The following EXOC3 variants were observed in gnomAD, a reference collection of about 807,000 sequenced individuals.
EXOC3 encodes SEC6-like 1.
EXOC3 carries 21 observed loss-of-function variants against 73.7 expected under a neutral mutation model. The observed-to-expected ratio is 0.29, with a 90% confidence interval of 0.20 to 0.41. The LOEUF is 0.41. Among genes scored for constraint, EXOC3 ranks in the 10% least tolerant of loss-of-function variants. The probability of loss-of-function intolerance (pLI) is 1.00; values close to 1 mark genes in which losing one functional copy is unlikely to be tolerated. For synonymous variants in EXOC3, 410 were observed against 389.1 expected, an observed-to-expected ratio of 1.05 and a Z score of -0.63; for missense variants, 842 against 985.1, an observed-to-expected ratio of 0.85 and a Z score of 1.95.
chr5:457,137 C>A, intron 5 of EXOC3, 131 bp downstream of exon 5: 1 of 661,166 alleles, frequency 1.5e-6, no homozygotes, highest in Non-Finnish European at 2.7e-6. Flanking sequence ...CTCAGTTGCC[C>A]GGGCTCTGCT....
At chr5:447,015 C>CA (rs1267310058) in intron 2 of EXOC3, 1 of 154,872 alleles carries the variant, frequency 6.5e-6, no homozygotes, top group African/African-American at 2.4e-5. Context: ...TCACATTTGA[C>CA]AGAGAGCGGA....
intron 3 of EXOC3, among the ~76,000 whole-genome samples, chr5:448,779 G>C (rs1162784308): frequency 1.3e-5 from 2 of 152,228 alleles, no homozygotes; most frequent in African/African-American, 4.8e-5. Flanking sequence ...TGCGGCTGCA[G>C]CATTGCCGAG....
In EXOC3 at chr5:461,975, G is replaced by A. The variant is rs192396555; in HGVS notation, c.1407G>A (p.Ala469=). ...NSFLSRYKDE[A]QLYKEEHLRN... is the part of the protein sequence containing the mutation. ...CTGTCCTCAGATATAAAGATGAAGC[G>A]CAGCTGTATAAAGAAGAGCACCTGA... is the stretch of plus-strand genomic sequence containing the variant. Residue 469 remains alanine (A), a synonymous_variant, in exon 8 of 13, where the codon GCG becomes GCA. Coordinates refer to ENST00000512944, the MANE Select transcript of EXOC3 (RefSeq NM_007277.5). 6.0e-5 allele frequency: 95 copies of A among 1,593,498 alleles called. 1 individual carries two copies. The highest frequency in any genetic ancestry group is 3.8e-4 in the African/African-American group (28 of 74,534).
intron 3 of EXOC3, among the ~76,000 whole-genome samples, chr5:453,142 G>A (rs1290404970): frequency 6.6e-6 from 1 of 152,214 alleles, no homozygotes; most frequent in Non-Finnish European, 1.5e-5. Context: ...GGTAGCCACT[G>A]CCCAGCTGAG....
At position 458,413 on chromosome 5, in the gene EXOC3, A is replaced by T. The variant is rs550152780; in HGVS notation, c.1290+388A>T. Among the ~76,000 whole-genome samples, 6 of 152,180 alleles carry T rather than the reference A, an allele frequency of 3.9e-5. No homozygotes were observed. In the East Asian group the frequency reaches 9.7e-4, roughly 24 times the overall value. On this transcript the variant is annotated intron_variant, in intron 6 of 12. Coordinates refer to ENST00000512944, the MANE Select transcript of EXOC3 (RefSeq NM_007277.5). ...CAGGTGGATTTTGGGAGCGTCCATT[A>T]TTTTTTTTGAGACGGAGTCTCACTC...
intron 9 of EXOC3, among the ~76,000 whole-genome samples, chr5:463,811 A>AT (rs1310124605): frequency 6.6e-6 from 1 of 152,264 alleles, no homozygotes; most frequent in Non-Finnish European, 1.5e-5. Flanking sequence ...AAAAATTTAA[A>AT]TGTCCATCAA....
Position 453,542 on chromosome 5 carries a change from C to G in EXOC3, c.537C>G (p.Ser179Arg). Reference protein sequence around the residue: ...DMTLIHGYFGSTQGLSDELAK... With the variant: ...DMTLIHGYFGRTQGLSDELAK... ...CCCTCATCCATGGCTACTTTGGCAG[C>G]ACGCAGGGGCTCTCTGATGAGCTGG... Residue 179 changes from serine (S) to arginine (R), a missense_variant, in exon 4 of 13, where the codon AGC becomes AGG. Physicochemically the swap from Ser to Arg is moderately radical, Grantham distance 110. Transcript: ENST00000512944. 6.2e-7 allele frequency: 1 copy of G among 1,614,026 alleles called. No individual in the cohort carries two copies. The highest frequency in any genetic ancestry group is 1.1e-5 in the South Asian group (1 of 91,088).
rs773000058 is a variant in EXOC3 at position 466,748 on chromosome 5, G to C, written c.2088G>C (p.Leu696=). 6.2e-7 allele frequency: 1 copy of C among 1,613,014 alleles called. No homozygotes were observed. The highest frequency in any genetic ancestry group is 1.1e-5 in the South Asian group (1 of 91,064). The part of the protein sequence containing the change: ...PDIRDDHIGA[L]LAVRGDASRD... The stretch of plus-strand genomic sequence containing the variant: ...CCAGGGATGACCACATCGGTGCGCT[G>C]CTGGCTGTGCGTGGGGACGCCAGCC... Residue 696 remains leucine, a synonymous_variant, in exon 13 of 13, where the codon CTG becomes CTC. Transcript: ENST00000512944.
At chr5:462,506 C>G in intron 9 of EXOC3, 199 bp downstream of exon 9, 1 of 588,650 alleles carries the variant, frequency 1.7e-6, no homozygotes, top group Non-Finnish European at 3.0e-6. Context: ...GTCCTTCTTA[C>G]GCACAATTCA....
intron 3 of EXOC3, among the ~76,000 whole-genome samples, chr5:451,041 CT>C (rs1353701629): frequency 2.0e-5 from 3 of 152,084 alleles, no homozygotes; most frequent in Non-Finnish European, 2.9e-5. Context: ...GATGGAAGAG[CT>C]TACATTTAAG....
At chr5:456,144 C>G (rs1045344832) in intron 4 of EXOC3, among the ~76,000 whole-genome samples, 1 of 152,154 alleles carries the variant, frequency 6.6e-6, no homozygotes, top group Non-Finnish European at 1.5e-5. Flanking sequence ...CCAGGACCCC[C>G]CTTGGCTATC....
At chr5:464,592 A>G in intron 10 of EXOC3, 180 bp downstream of exon 10, 1 of 604,054 alleles carries the variant, frequency 1.7e-6, no homozygotes, top group Non-Finnish European at 2.9e-6. Flanking sequence ...CTCTGGTGAG[A>G]ATGGCCGGGG....
chr5:453,418 T>G lies in EXOC3; in HGVS notation c.413T>G (p.Leu138Arg). The G allele has an allele frequency of 6.2e-7, 1 of 1,602,686 alleles. No individual in the cohort carries two copies. Among genetic ancestry groups the G allele is most frequent in the Non-Finnish European group, 8.5e-7 (1 of 1,174,588 alleles). The change falls in exon 4 of 13, where the codon CTC (leucine) becomes CGC (arginine). Residue 138 changes from leucine (L) to arginine (R), a missense_variant. Physicochemically the swap from Leu to Arg is moderately radical, Grantham distance 102. Coordinates refer to ENST00000512944, the MANE Select transcript of EXOC3 (RefSeq NM_007277.5). ...ETQDLIEQGA[L>R]LQAHRKLMDL... is the part of the protein sequence containing the mutation. ...CAGGACCTAATTGAACAAGGGGCAC[T>G]CCTGCAAGCCCACCGGAAGCTGATG...
rs1044231782 is a variant in EXOC3 at position 467,244 on chromosome 5, T to G, written c.*346T>G. Reference sequence around the variant, plus strand: ...CACCGCACCCCATCTGCTTAAGTGCTCGGAACCCCGTCACCTAATTAAAGT... The same window carrying G: ...CACCGCACCCCATCTGCTTAAGTGCGCGGAACCCCGTCACCTAATTAAAGT... On this transcript the variant is annotated 3_prime_UTR_variant, in exon 13 of 13. Coordinates refer to ENST00000512944, the MANE Select transcript of EXOC3 (RefSeq NM_007277.5). 3.7e-6 allele frequency: 1 copy of G among 268,166 alleles called. No homozygotes were observed. Among genetic ancestry groups the G allele is most frequent in the Middle Eastern group, 1.1e-3 (1 of 912 alleles). 16.6% of individuals were successfully genotyped at this position (268,166 alleles called of 1,614,324 possible).
chr5:464,557 C>A, intron 10 of EXOC3, 145 bp downstream of exon 10: 1 of 795,492 alleles, frequency 1.3e-6, no homozygotes, highest in Non-Finnish European at 2.0e-6. Flanking sequence ...ATAGGCTCTG[C>A]GGACGCCACC....
intron 3 of EXOC3, 105 bp from the exon 4 acceptor site, chr5:453,265 A>G (rs766271460): frequency 1.6e-5 from 12 of 756,352 alleles, no homozygotes; most frequent in Non-Finnish European, 2.6e-5. Context: ...GTTGTTAGCT[A>G]GGGAGATGTG....
intron 3 of EXOC3, among the ~76,000 whole-genome samples, chr5:450,518 G>C (rs1339805633): frequency 6.6e-6 from 1 of 152,168 alleles, no homozygotes; most frequent in Non-Finnish European, 1.5e-5. Context: ...CTGTTGTTGG[G>C]TGTTCTTTCT....
rs1738175037 is a variant in EXOC3 at position 467,088 on chromosome 5, G to C, written c.*190G>C. 2 of 611,710 alleles carry C rather than the reference G, an allele frequency of 3.3e-6. No individual in the cohort carries two copies. The highest frequency in any genetic ancestry group is 2.9e-6 in the Non-Finnish European group (1 of 349,618). The allele number at this position is 611,710 out of a possible 1,614,324, so 37.9% of individuals were successfully genotyped here. Reference sequence around the variant, plus strand: ...AGGCCACGTGCGGAGGCCCCTCACTGTGCTGTCAAAGGCCTGTGGGTGCAG... The same window carrying C: ...AGGCCACGTGCGGAGGCCCCTCACTCTGCTGTCAAAGGCCTGTGGGTGCAG... On this transcript the variant is annotated 3_prime_UTR_variant, in exon 13 of 13. Transcript: ENST00000512944.
intron 3 of EXOC3, among the ~76,000 whole-genome samples, chr5:453,006 G>C (rs2672758): frequency 0.46 from 70,393 of 152,012 alleles, 17,361 homozygotes; most frequent in African/African-American, 0.64. Flanking sequence ...TCAGTGATCT[G>C]AGTACAGATC....
Sources: allele counts gnomAD v4.1 joint callset (sites outside exome capture counted in the v4.1 genomes callset), GRCh38; gene constraint gnomAD v4.1.1; transcripts MANE v1.5; gene names NCBI Gene and HGNC (gene_info 2026-07-23, HGNC 2026-07-21).